The following GMCL1 variants were observed in gnomAD, a reference collection of about 807,000 sequenced individuals.
GMCL1 encodes germ cell-less protein-like 1.
Under a neutral mutation model 75.5 loss-of-function variants are expected in GMCL1, and 54 were observed. The observed-to-expected ratio is 0.71, with a 90% CI of 0.57 to 0.90. The LOEUF is 0.90. Among genes scored for constraint, GMCL1 ranks in the 40% least tolerant of loss-of-function variants. The probability of loss-of-function intolerance (pLI) is 0.00; values close to 1 mark genes in which losing one functional copy is unlikely to be tolerated. For missense variants in GMCL1, 537 were observed against 622.7 expected, an observed-to-expected ratio of 0.86 and a Z score of 1.47; for synonymous variants, 210 against 209.6, an observed-to-expected ratio of 1.00 and a Z score of -0.02.
chr2:69,862,558 G>C (rs535050736), intron 10 of GMCL1, among the ~76,000 whole-genome samples: 2 of 152,182 alleles, frequency 1.3e-5, no homozygotes, highest in African/African-American at 4.8e-5. Context: ...TCAGGAGTTC[G>C]AGACAAGCCT....
chr2:69,840,536 C>T (rs1199973215), intron 3 of GMCL1, among the ~76,000 whole-genome samples: 1 of 152,096 alleles, frequency 6.6e-6, no homozygotes, highest in Non-Finnish European at 1.5e-5. Context: ...GGACAGGACT[C>T]AGGAGCTGTA....
chr2:69,871,542 A>C (rs1397506807), intron 12 of GMCL1, among the ~76,000 whole-genome samples: 1 of 152,242 alleles, frequency 6.6e-6, no homozygotes, highest in Non-Finnish European at 1.5e-5. Flanking sequence ...AAAAACATTT[A>C]TAAATGATTT....
At chr2:69,840,575 AG>A (rs1305169620) in intron 3 of GMCL1, among the ~76,000 whole-genome samples, 1 of 152,182 alleles carries the variant, frequency 6.6e-6, no homozygotes, top group Non-Finnish European at 1.5e-5. Context: ...GAGTGCTGAA[AG>A]CAGCCGGGTT....
chr2:69,842,472 C>T (rs1436248270), intron 4 of GMCL1, among the ~76,000 whole-genome samples: 1 of 152,018 alleles, frequency 6.6e-6, no homozygotes, highest in African/African-American at 2.4e-5. Flanking sequence ...TAACTCTGGT[C>T]CTTTTGGTTT....
intron 1 of GMCL1, among the ~76,000 whole-genome samples, chr2:69,833,292 C>T (rs1674726623): frequency 6.6e-6 from 1 of 152,084 alleles, no homozygotes; most frequent in African/African-American, 2.4e-5. Flanking sequence ...TTGGATTATT[C>T]AGCCCAATAC....
intron 10 of GMCL1, among the ~76,000 whole-genome samples, chr2:69,864,431 T>A (rs1675747660): frequency 6.6e-6 from 1 of 152,060 alleles, no homozygotes; most frequent in African/African-American, 2.4e-5. Flanking sequence ...GATAAAATTT[T>A]ACAGCCATTT....
intron 1 of GMCL1, among the ~76,000 whole-genome samples, chr2:69,835,236 GGTTT>G (rs1674785706): frequency 2.0e-5 from 3 of 151,780 alleles, no homozygotes; most frequent in Admixed American, 6.6e-5. Flanking sequence ...ACTATTCTTT[GGTTT>G]ATTTGTTTTT....
chr2:69,854,730 T>C, intron 8 of GMCL1, 93 bp from the exon 9 acceptor site: 1 of 952,148 alleles, frequency 1.1e-6, no homozygotes, highest in Non-Finnish European at 1.6e-6. Context: ...TGTATTCTAA[T>C]AGACATGAAT....
chr2:69,843,006 A>C, intron 4 of GMCL1, 143 bp from the exon 5 acceptor site: 1 of 329,794 alleles, frequency 3.0e-6, no homozygotes, highest in Non-Finnish European at 5.5e-6. Flanking sequence ...AAAAAAAAAA[A>C]ACTTAGGTTT....
rs111370854 is a variant in GMCL1 at position 69,842,915 on chromosome 2, C to A, written c.580-234C>A. The A allele has an allele frequency of 2.2e-3, 636 of 291,870 alleles. 4 individuals are homozygous for A. Among genetic ancestry groups the A allele is most frequent in the African/African-American group, 0.013 (595 of 44,824 alleles). The allele number at this position is 291,870 out of a possible 1,614,324, so 18.1% of individuals were successfully genotyped here. On this transcript the variant is annotated intron_variant, in intron 4 of 13. Coordinates refer to ENST00000282570, the MANE Select transcript of GMCL1 (RefSeq NM_178439.5). ...CATTCTCTACCTTACTACTCCCCCC[C>A]ACCTTCCATTTTCAAATTCCAAGTA...
At position 69,829,664 on chromosome 2, in the gene GMCL1, T is replaced by G; in HGVS notation, c.-229T>G. The G allele has an allele frequency of 1.9e-6, 1 of 519,196 alleles. No homozygotes were observed. The highest frequency in any genetic ancestry group is 3.3e-6 in the Non-Finnish European group (1 of 299,462). 32.2% of individuals were successfully genotyped at this position (519,196 alleles called of 1,614,324 possible). ...CGCATGCGCCCTCCGTCCCGCGCTT[T>G]GTTGCGAAAGCGAGGGGGCGAGGTG... On this transcript the variant is annotated 5_prime_UTR_variant, in exon 1 of 14. Coordinates refer to ENST00000282570, the MANE Select transcript of GMCL1 (RefSeq NM_178439.5).
chr2:69,836,893 C>A (rs1400063550), intron 1 of GMCL1, among the ~76,000 whole-genome samples: 1 of 151,924 alleles, frequency 6.6e-6, no homozygotes, highest in Non-Finnish European at 1.5e-5. Flanking sequence ...CCTTGGTGGC[C>A]CCTAAGACTT....
chr2:69,866,238 C>G (rs1675813762), intron 11 of GMCL1, among the ~76,000 whole-genome samples: 1 of 130,902 alleles, frequency 7.6e-6, no homozygotes, highest in Non-Finnish European at 1.6e-5. Context: ...CAGAGCGAGT[C>G]TCCATCTCAA....
intron 4 of GMCL1, among the ~76,000 whole-genome samples, chr2:69,841,520 G>C (rs891684446): frequency 1.3e-5 from 2 of 152,176 alleles, no homozygotes; most frequent in Admixed American, 6.5e-5. Flanking sequence ...AGTGTGTTGA[G>C]CACTGTGTCA....
At chr2:69,866,074 C>T (rs1307283039) in intron 11 of GMCL1, among the ~76,000 whole-genome samples, 1 of 152,036 alleles carries the variant, frequency 6.6e-6, no homozygotes, top group Non-Finnish European at 1.5e-5. Context: ...CATGGTGAAA[C>T]CCTGTCTCTA....
Position 69,837,544 on chromosome 2 carries a change from C to A in GMCL1, c.261-3C>A. 1.3e-6 allele frequency: 2 copies of A among 1,519,368 alleles called. No homozygotes were observed. Among genetic ancestry groups the A allele is most frequent in the Non-Finnish European group, 1.8e-6 (2 of 1,128,010 alleles). The allele number at this position is 1,519,368 out of a possible 1,614,324, so 94.1% of individuals were successfully genotyped here. The stretch of plus-strand genomic sequence containing the variant: ...TATGTGACTTTTTCATTTCTTTTAA[C>A]AGGAAAAAATTAAAGAGTACATCTA... On this transcript the variant is annotated splice_polypyrimidine_tract_variant and splice_region_variant and intron_variant, in intron 1 of 13. Transcript: ENST00000282570.
intron 2 of GMCL1, 84 bp downstream of exon 2, chr2:69,837,754 T>C (rs1674860277): frequency 6.9e-7 from 1 of 1,444,442 alleles, no homozygotes; most frequent in African/African-American, 1.4e-5. Flanking sequence ...CACAGTAATC[T>C]TTTGCATGAA....
intron 11 of GMCL1, among the ~76,000 whole-genome samples, chr2:69,865,608 A>G (rs994627834): frequency 2.0e-5 from 3 of 151,976 alleles, no homozygotes; most frequent in Non-Finnish European, 4.4e-5. Context: ...AGATCATGCC[A>G]CTGCACTCCA....
At position 69,829,703 on chromosome 2, in the gene GMCL1, G is replaced by A. The variant is rs1287315053; in HGVS notation, c.-190G>A. 9.5e-6 allele frequency: 6 copies of A among 633,044 alleles called. No individual in the cohort carries two copies. Among genetic ancestry groups the A allele is most frequent in the East Asian group, 6.1e-5 (2 of 32,838 alleles). 39.2% of individuals were successfully genotyped at this position (633,044 alleles called of 1,614,324 possible). On this transcript the variant is annotated 5_prime_UTR_variant, in exon 1 of 14. Coordinates refer to ENST00000282570, the MANE Select transcript of GMCL1 (RefSeq NM_178439.5). ...GGGGGCGAGGTGCTGCGGTGCTAGA[G>A]CGCGGCGCGACCGGACGCTGCGGGC...
Sources: gnomAD v4.1 joint callset for allele counts (sites outside exome capture counted in the v4.1 genomes callset) on GRCh38, gnomAD v4.1.1 for gene constraint, MANE v1.5 for transcripts, NCBI Gene and HGNC (gene_info 2026-07-23, HGNC 2026-07-21) for gene names.